Variants in ZFAND4 observed in about 807,000 individuals in gnomAD.
The protein encoded by ZFAND4 is zinc finger AN1-type containing 4.
In ZFAND4, 43 loss-of-function variants were observed where a neutral mutation model predicts 64.4. The observed-to-expected ratio is 0.67, with a 90% CI of 0.52 to 0.86. The LOEUF is 0.86. Ranked by LOEUF, ZFAND4 falls within the 40% of genes least tolerant of loss-of-function variation. The probability of loss-of-function intolerance (pLI) is 0.00; values close to 1 mark genes in which losing one functional copy is unlikely to be tolerated. For missense variants in ZFAND4, 929 were observed against 859.8 expected (o/e 1.08, Z -1.01); for synonymous variants, 296 against 305.7 (o/e 0.97, Z 0.33).
intron 5 of ZFAND4, among the ~76,000 whole-genome samples, chr10:45,642,145 G>GC (rs2047043058): frequency 6.6e-6 from 1 of 152,144 alleles, no homozygotes; most frequent in Non-Finnish European, 1.5e-5. Context: ...CAGTTACCTT[G>GC]CAATATTTTA....
Position 45,616,336 on chromosome 10 carries a change from G to T in ZFAND4, c.*100C>A. The T allele has an allele frequency of 6.9e-7, 1 of 1,453,908 alleles. No individual in the cohort carries two copies. Among genetic ancestry groups the T allele is most frequent in the African/African-American group, 1.4e-5 (1 of 70,260 alleles). 90.1% of individuals were successfully genotyped at this position (1,453,908 alleles called of 1,614,324 possible). A position where few individuals can be genotyped will look rare whatever the true frequency, so the allele number is the denominator to read the frequency against. On this transcript the variant is annotated 3_prime_UTR_variant, in exon 10 of 10. Coordinates refer to ENST00000344646, the MANE Select transcript of ZFAND4 (RefSeq NM_174890.4). ...ATGCATTGTATGCTTTTGTTATTTGGCAAATCTTTTAGAGTCGAACAAAAA... is the reference window on the plus strand; with the variant it reads ...ATGCATTGTATGCTTTTGTTATTTGTCAAATCTTTTAGAGTCGAACAAAAA...
intron 8 of ZFAND4, among the ~76,000 whole-genome samples, chr10:45,622,152 CAGACACA>C (rs1230817368): frequency 6.6e-6 from 1 of 152,178 alleles, no homozygotes; most frequent in Non-Finnish European, 1.5e-5. Context: ...TGGCATAAAA[CAGACACA>C]TAGACCAATG....
chr10:45,624,774 TAATTA>T, intron 7 of ZFAND4, 137 bp from the exon 8 acceptor site: 1 of 695,534 alleles, frequency 1.4e-6, no homozygotes, highest in Non-Finnish European at 2.4e-6. Context: ...AATTTTTGTT[TAATTA>T]AATTAACTCA....
Position 45,655,970 on chromosome 10 carries a change from G to A in ZFAND4, c.185-2911C>T, listed in dbSNP as rs186357069. ...GTACTGGCCGGGCGCAGTGGCTCAC[G>A]CCTGTAATCCCAGCACTTTGGGAGG... On this transcript the variant is annotated intron_variant, in intron 2 of 9. Transcript: ENST00000344646. Among the ~76,000 whole-genome samples, 29 of 152,276 alleles carry A rather than the reference G, an allele frequency of 1.9e-4. No individual in the cohort carries two copies. The East Asian group carries it at 2.9e-3, about 15-fold the overall frequency.
chr10:45,656,501 C>CAAAAAAAAAAAAAAAAA (rs541781976), intron 2 of ZFAND4, among the ~76,000 whole-genome samples: 7 of 24,698 alleles, frequency 2.8e-4, no homozygotes, highest in African/African-American at 5.8e-4. Flanking sequence ...GAACCTGTCT[C>CAAAAAAAAAAAAAAAAA]AAAAAAAAAA....
At chr10:45,616,599 T>C in intron 9 of ZFAND4, 28 bp from the exon 10 acceptor site, 4 of 1,612,920 alleles carry the variant, frequency 2.5e-6, no homozygotes, top group Non-Finnish European at 3.4e-6. Context: ...TTTACGTGAA[T>C]AGTTGTATTT....
intron 6 of ZFAND4, among the ~76,000 whole-genome samples, chr10:45,635,874 G>C (rs1024365598): frequency 6.6e-6 from 1 of 152,050 alleles, no homozygotes; most frequent in Admixed American, 6.6e-5. Context: ...ATAATTTTAT[G>C]ACATATGTAT....
chr10:45,638,337 A>T (rs1196799572), intron 6 of ZFAND4, among the ~76,000 whole-genome samples: 1 of 151,490 alleles, frequency 6.6e-6, no homozygotes, highest in Non-Finnish European at 1.5e-5. Flanking sequence ...CAAAAAAAAA[A>T]AAAAAAATTA....
chr10:45,636,453 T>C (rs575779982), intron 6 of ZFAND4, among the ~76,000 whole-genome samples: 1 of 152,146 alleles, frequency 6.6e-6, no homozygotes, highest in Non-Finnish European at 1.5e-5. Context: ...CTGACCAACA[T>C]GGTGAAACCC....
At chr10:45,665,404 G>A (rs1019956740) in intron 1 of ZFAND4, among the ~76,000 whole-genome samples, 1 of 152,016 alleles carries the variant, frequency 6.6e-6, no homozygotes, top group African/African-American at 2.4e-5. Context: ...AGCCAGGAAT[G>A]GTGGCGCACA....
intron 1 of ZFAND4, among the ~76,000 whole-genome samples, chr10:45,670,388 G>A (rs1244387457): frequency 6.6e-6 from 1 of 151,896 alleles, no homozygotes; most frequent in African/African-American, 2.4e-5. Flanking sequence ...CACCACGCCC[G>A]GCTAATTTTT....
At chr10:45,630,706 A>G (rs1288675465) in intron 6 of ZFAND4, among the ~76,000 whole-genome samples, 1 of 152,132 alleles carries the variant, frequency 6.6e-6, no homozygotes, top group African/African-American at 2.4e-5. Context: ...AGCCTGGGCG[A>G]CACAGCAAGA....
intron 6 of ZFAND4, among the ~76,000 whole-genome samples, chr10:45,629,434 A>G (rs147363001): frequency 9.8e-5 from 15 of 152,336 alleles, no homozygotes; most frequent in African/African-American, 3.6e-4. Flanking sequence ...GGTAAATTGA[A>G]AGGAAAAGGC....
intron 2 of ZFAND4, 122 bp downstream of exon 2, chr10:45,663,420 T>G: frequency 1.4e-6 from 1 of 720,136 alleles, no homozygotes; most frequent in Non-Finnish European, 2.2e-6. Context: ...AGGGGGTTCA[T>G]TATCTTATTC....
rs146297672 is a variant in ZFAND4 at position 45,635,055 on chromosome 10, G to A, written c.717+4761C>T. Reference sequence around the variant, plus strand: ...TTGGAAGAATTAATATTGTTAAAATGTCCATACTGCCCAACGCAATCTACA... The same window carrying A: ...TTGGAAGAATTAATATTGTTAAAATATCCATACTGCCCAACGCAATCTACA... On this transcript the variant is annotated intron_variant, in intron 6 of 9. Coordinates refer to ENST00000344646, the MANE Select transcript of ZFAND4 (RefSeq NM_174890.4). Among the ~76,000 whole-genome samples the A allele has an allele frequency of 4.9e-3, 742 of 151,782 alleles. 1 individual carries two copies. Among genetic ancestry groups the A allele is most frequent in the Non-Finnish European group, 7.6e-3 (518 of 67,940 alleles).
chr10:45,661,858 T>C (rs1450616477), intron 2 of ZFAND4, among the ~76,000 whole-genome samples: 1 of 151,354 alleles, frequency 6.6e-6, no homozygotes, highest in Non-Finnish European at 1.5e-5. Context: ...GAGAATCGCT[T>C]GAACCCAGGA....
chr10:45,624,058 A>C (rs2045621634), intron 8 of ZFAND4, among the ~76,000 whole-genome samples: 1 of 152,226 alleles, frequency 6.6e-6, no homozygotes, highest in Admixed American at 6.5e-5. Context: ...TGGCCGGTGC[A>C]TCTTTAATGT....
At chr10:45,670,446 G>A (rs1304530618) in intron 1 of ZFAND4, among the ~76,000 whole-genome samples, 1 of 151,964 alleles carries the variant, frequency 6.6e-6, no homozygotes. Flanking sequence ...CTCCATGTTC[G>A]TCAGGCTGGT....
At chr10:45,648,799 C>T (rs944475375) in intron 4 of ZFAND4, among the ~76,000 whole-genome samples, 4 of 151,662 alleles carry the variant, frequency 2.6e-5, no homozygotes, top group Non-Finnish European at 5.9e-5. Flanking sequence ...GTTTTTTGTC[C>T]TATGCCATTA....
Sources: gnomAD v4.1 joint callset for allele counts (sites outside exome capture counted in the v4.1 genomes callset) on GRCh38, gnomAD v4.1.1 for gene constraint, MANE v1.5 for transcripts, NCBI Gene and HGNC (gene_info 2026-07-23, HGNC 2026-07-21) for gene names.